Variants in BICC1 observed in about 807,000 individuals in gnomAD.
The protein encoded by BICC1 is protein bicaudal C homolog 1.
Under a neutral mutation model 111.0 loss-of-function variants are expected in BICC1, and 43 were observed. The observed-to-expected ratio is 0.39, with a 90% CI of 0.30 to 0.50. The LOEUF (loss-of-function observed/expected upper bound fraction) is 0.50, where lower values mean the gene tolerates loss of function less well. Among genes scored for constraint, BICC1 ranks in the 20% least tolerant of loss-of-function variants. The pLI, the probability that BICC1 is intolerant of heterozygous loss-of-function variation, is 0.88. For synonymous variants in BICC1, 467 were observed against 434.4 expected, an observed-to-expected ratio of 1.07 and a Z score of -0.93; for missense variants, 1,091 against 1,203.2, an observed-to-expected ratio of 0.91 and a Z score of 1.38.
rs1394707482 is a variant in BICC1 at position 58,830,884 on chromosome 10, T to C, written c.*1993T>C. ...ACAGGTTAACAATACCAGATTTATG[T>C]CCTGTTCAACAACTCAGTACTCTAA... On this transcript the variant is annotated 3_prime_UTR_variant, in exon 21 of 21. Coordinates refer to ENST00000373886, the MANE Select transcript of BICC1 (RefSeq NM_001080512.3). The C allele has an allele frequency of 6.6e-6, 1 of 152,200 alleles. No homozygotes were observed. Among genetic ancestry groups the C allele is most frequent in the Admixed American group, 6.5e-5 (1 of 15,278 alleles). The allele number at this position is 152,200 out of a possible 1,614,324, so 9.4% of individuals were successfully genotyped here.
At chr10:58,738,030 C>T (rs1005152456) in intron 3 of BICC1, among the ~76,000 whole-genome samples, 1 of 152,088 alleles carries the variant, frequency 6.6e-6, no homozygotes. Flanking sequence ...TTCTCCCATT[C>T]TGTAGGTTGC....
intron 9 of BICC1, among the ~76,000 whole-genome samples, chr10:58,795,356 G>A (rs983644542): frequency 4.6e-5 from 7 of 152,140 alleles, no homozygotes; most frequent in Non-Finnish European, 1.0e-4. Flanking sequence ...TAAAGTTAGG[G>A]AACAGGACAT....
chr10:58,564,405 G>T (rs1389011118), intron 1 of BICC1, among the ~76,000 whole-genome samples: 1 of 152,180 alleles, frequency 6.6e-6, no homozygotes, highest in Non-Finnish European at 1.5e-5. Context: ...TCAAATATCA[G>T]CAGTATATCT....
At chr10:58,784,586 C>T (rs1842960068) in intron 3 of BICC1, among the ~76,000 whole-genome samples, 1 of 152,090 alleles carries the variant, frequency 6.6e-6, no homozygotes, top group Non-Finnish European at 1.5e-5. Flanking sequence ...CCTCTGTAAA[C>T]AACGTCATGA....
At chr10:58,824,489 G>A (rs1844339279) in intron 20 of BICC1, among the ~76,000 whole-genome samples, 1 of 152,220 alleles carries the variant, frequency 6.6e-6, no homozygotes, top group Non-Finnish European at 1.5e-5. Flanking sequence ...TTGGAAGGCA[G>A]TGGGGTAAAA....
intron 5 of BICC1, among the ~76,000 whole-genome samples, chr10:58,787,338 C>A (rs1181125839): frequency 6.6e-6 from 1 of 152,136 alleles, no homozygotes; most frequent in Non-Finnish European, 1.5e-5. Flanking sequence ...GGCCACAAAA[C>A]AAAACCTTAA....
At chr10:58,653,606 TC>T (rs1396751820) in intron 2 of BICC1, among the ~76,000 whole-genome samples, 1 of 152,202 alleles carries the variant, frequency 6.6e-6, no homozygotes, top group Non-Finnish European at 1.5e-5. Context: ...GTTGTCTTCA[TC>T]TGCCATCTGT....
At chr10:58,735,167 A>G (rs1045978212) in intron 3 of BICC1, among the ~76,000 whole-genome samples, 1 of 152,246 alleles carries the variant, frequency 6.6e-6, no homozygotes, top group African/African-American at 2.4e-5. Context: ...CACATGTGTT[A>G]TCTATGATGT....
intron 18 of BICC1, among the ~76,000 whole-genome samples, chr10:58,814,618 TAAA>T (rs35500718): frequency 5.2e-5 from 6 of 114,728 alleles, no homozygotes; most frequent in Admixed American, 8.9e-5. Flanking sequence ...TCATCTCTAC[TAAA>T]AAAAAAAAAA....
rs181223256 is a variant in BICC1 at position 58,537,693 on chromosome 10, T to C, written c.190+24360T>C. Among the ~76,000 whole-genome samples the C allele has an allele frequency of 2.2e-4, 33 of 151,884 alleles. 1 individual carries two copies. Among genetic ancestry groups the C allele is most frequent in the Non-Finnish European group, 3.0e-5 (2 of 67,764 alleles). ...ACTGGAAAAGAGGAAGTCAAACTTATGTCTATTTGCTGATGATGTGATCAT... is the reference window on the plus strand; with the variant it reads ...ACTGGAAAAGAGGAAGTCAAACTTACGTCTATTTGCTGATGATGTGATCAT... On this transcript the variant is annotated intron_variant, in intron 1 of 20. Coordinates refer to ENST00000373886, the MANE Select transcript of BICC1 (RefSeq NM_001080512.3).
chr10:58,538,283 A>T (rs1842874732), intron 1 of BICC1, among the ~76,000 whole-genome samples: 1 of 129,186 alleles, frequency 7.7e-6, no homozygotes, highest in Non-Finnish European at 1.8e-5. Context: ...AGTTACATAG[A>T]CCGTGGAACA....
At chr10:58,676,859 A>G (rs1839360650) in intron 2 of BICC1, among the ~76,000 whole-genome samples, 1 of 152,216 alleles carries the variant, frequency 6.6e-6, no homozygotes, top group Non-Finnish European at 1.5e-5. Context: ...AGGAGCAGGC[A>G]GTAATTTTTG....
At chr10:58,601,058 A>G (rs1264766889) in intron 1 of BICC1, among the ~76,000 whole-genome samples, 1 of 148,114 alleles carries the variant, frequency 6.8e-6, no homozygotes, top group Non-Finnish European at 1.5e-5. Flanking sequence ...TTAAAATAGA[A>G]TTAGACTTGA....
chr10:58,560,361 T>G (rs925247980), intron 1 of BICC1, among the ~76,000 whole-genome samples: 8 of 152,110 alleles, frequency 5.3e-5, no homozygotes, highest in Non-Finnish European at 5.9e-5. Flanking sequence ...AAGTTGTTCA[T>G]AACAAGCGCT....
At chr10:58,800,110 T>C in intron 12 of BICC1, 84 bp from the exon 13 acceptor site, 1 of 1,085,832 alleles carries the variant, frequency 9.2e-7, no homozygotes, top group Non-Finnish European at 1.3e-6. Flanking sequence ...TTTTCGTGGC[T>C]GTTATAAATG....
chr10:58,601,171 T>TATATATATATATATAG (rs1564506912), intron 1 of BICC1, among the ~76,000 whole-genome samples: 1 of 133,868 alleles, frequency 7.5e-6, no homozygotes, highest in Non-Finnish European at 1.6e-5. Flanking sequence ...TATATATATA[T>TATATATATATATATAG]CTCCCAATAA....
At position 58,796,471 on chromosome 10, in the gene BICC1, G is replaced by A. The variant is rs202194967; in HGVS notation, c.1311G>A (p.Leu437=). 1.9e-4 allele frequency: 300 copies of A among 1,614,080 alleles called. No homozygotes were observed. The highest frequency in any genetic ancestry group is 2.5e-4 in the Non-Finnish European group (290 of 1,179,998). The change falls in exon 10 of 21, where the codon CTG becomes CTA. Residue 437 remains leucine (L), a synonymous_variant. Coordinates refer to ENST00000373886, the MANE Select transcript of BICC1 (RefSeq NM_001080512.3). The part of the protein sequence containing the change: ...SPSPASCPAG[L]ACPSLDILAS... ...CCCCAGCATCCTGCCCTGCCGGCCT[G>A]GCATGTCCCAGCCTGGATATCTTAG...
rs537790853 is a variant in BICC1 at position 58,788,112 on chromosome 10, G to A, written c.547-258G>A. 2.0e-4 allele frequency among the ~76,000 whole-genome samples: 30 copies of A among 152,270 alleles called. 1 individual carries two copies. The highest frequency in any genetic ancestry group is 1.6e-3 in the Admixed American group (25 of 15,288). On this transcript the variant is annotated intron_variant, in intron 5 of 20. Coordinates refer to ENST00000373886, the MANE Select transcript of BICC1 (RefSeq NM_001080512.3). ...AAGAGGGCAGGATGATCTCCTGGGG[G>A]CTGTGGGGCTTTCAGTAAGTCCAGT... is the stretch of plus-strand genomic sequence containing the variant.
chr10:58,744,237 T>C (rs1841760501), intron 3 of BICC1, among the ~76,000 whole-genome samples: 1 of 152,166 alleles, frequency 6.6e-6, no homozygotes, highest in African/African-American at 2.4e-5. Context: ...AGTATTGTTT[T>C]ATGATAGAAA....
Sources: allele counts gnomAD v4.1 joint callset (sites outside exome capture counted in the v4.1 genomes callset), GRCh38; gene constraint gnomAD v4.1.1; transcripts MANE v1.5; gene names NCBI Gene and HGNC (gene_info 2026-07-23, HGNC 2026-07-21).